PLPPR1: variants seen among roughly 807,000 people sequenced by gnomAD.
PLPPR1 encodes phospholipid phosphatase-related protein type 1.
PLPPR1 carries 10 observed loss-of-function variants against 33.1 expected under a neutral mutation model. The observed-to-expected ratio is 0.30, with a 90% CI of 0.19 to 0.51. The LOEUF is 0.51. Ranked by LOEUF, PLPPR1 falls within the 20% of genes least tolerant of loss-of-function variation. The probability of loss-of-function intolerance (pLI) is 0.97; values close to 1 mark genes in which losing one functional copy is unlikely to be tolerated. For missense variants in PLPPR1, 304 were observed against 408.1 expected (o/e 0.74, Z 2.20); for synonymous variants, 151 against 151.0 (o/e 1.00, Z 0.00).
chr9:101,082,751 G>A (rs1039911388), intron 1 of PLPPR1, among the ~76,000 whole-genome samples: 1 of 152,168 alleles, frequency 6.6e-6, no homozygotes, highest in African/African-American at 2.4e-5. Flanking sequence ...ATGGGCTTTG[G>A]GGAGAGATAA....
At chr9:101,097,226 C>T (rs1588026509) in intron 1 of PLPPR1, among the ~76,000 whole-genome samples, 1 of 152,264 alleles carries the variant, frequency 6.6e-6, no homozygotes, top group South Asian at 2.1e-4. Flanking sequence ...TTAGAATTTG[C>T]ATTTCTAATG....
At chr9:101,063,747 A>T (rs1830374660) in intron 1 of PLPPR1, among the ~76,000 whole-genome samples, 1 of 152,042 alleles carries the variant, frequency 6.6e-6, no homozygotes, top group Admixed American at 6.6e-5. Context: ...TTTTTCTTAA[A>T]CACTATCCCC....
intron 2 of PLPPR1, among the ~76,000 whole-genome samples, chr9:101,255,548 G>GTTAACA (rs202020754): frequency 0.019 from 2,832 of 152,242 alleles, 35 homozygotes; most frequent in Middle Eastern, 0.086. Context: ...CTTTATTGAA[G>GTTAACA]AGTTAGTTTA....
In PLPPR1 at chr9:101,317,851, G is replaced by T. The variant is rs374534317; in HGVS notation, c.945+355G>T. Among the ~76,000 whole-genome samples the T allele has an allele frequency of 3.5e-4, 54 of 152,310 alleles. No homozygotes were observed. The South Asian group carries it at 6.0e-3, about 17-fold the overall frequency. ...CTAGGATCATATTTGGAAAGAAAAAGGTTGTGTTACACACAGTGATGTAAG... is the reference window on the plus strand; with the variant it reads ...CTAGGATCATATTTGGAAAGAAAAATGTTGTGTTACACACAGTGATGTAAG... On this transcript the variant is annotated intron_variant, in intron 7 of 7. Transcript: ENST00000374874.
At chr9:101,158,343 A>G (rs1831724290) in intron 1 of PLPPR1, among the ~76,000 whole-genome samples, 1 of 152,186 alleles carries the variant, frequency 6.6e-6, no homozygotes, top group Admixed American at 6.5e-5. Flanking sequence ...TTTCCTAGGA[A>G]GAAGAAGAGG....
intron 1 of PLPPR1, among the ~76,000 whole-genome samples, chr9:101,110,659 G>A (rs940448479): frequency 3.9e-5 from 6 of 152,080 alleles, no homozygotes; most frequent in African/African-American, 1.2e-4. Flanking sequence ...TACTCTCCAA[G>A]GGGTATTGCT....
At chr9:101,268,288 AAAAG>A in intron 2 of PLPPR1, among the ~76,000 whole-genome samples, 1 of 152,206 alleles carries the variant, frequency 6.6e-6, no homozygotes, top group Admixed American at 6.5e-5. Flanking sequence ...GTGAAAAAAA[AAAAG>A]AAAAAAGAAA....
chr9:101,109,357 T>C (rs1298365228), intron 1 of PLPPR1, among the ~76,000 whole-genome samples: 27 of 152,086 alleles, frequency 1.8e-4, no homozygotes, highest in South Asian at 2.1e-4. Context: ...TTAAACACCA[T>C]CATTTCAATA....
chr9:101,259,225 C>T (rs1180030755), intron 2 of PLPPR1, among the ~76,000 whole-genome samples: 1 of 152,040 alleles, frequency 6.6e-6, no homozygotes, highest in Non-Finnish European at 1.5e-5. Flanking sequence ...AAGGTGAAGG[C>T]AGCCCAAGAA....
chr9:101,187,473 T>C (rs1826224829), intron 2 of PLPPR1: 1 of 151,976 alleles, frequency 6.6e-6, no homozygotes, highest in African/African-American at 2.4e-5. Context: ...GTTTATTCTT[T>C]TTCTTGTTGT....
chr9:101,268,773 C>A (rs1828044223), intron 2 of PLPPR1, among the ~76,000 whole-genome samples: 2 of 152,158 alleles, frequency 1.3e-5, no homozygotes, highest in African/African-American at 4.8e-5. Flanking sequence ...AGATGTCCTA[C>A]CAAGTTCTGA....
At chr9:101,229,116 A>G (rs1398455121) in intron 2 of PLPPR1, among the ~76,000 whole-genome samples, 2 of 152,170 alleles carry the variant, frequency 1.3e-5, no homozygotes, top group African/African-American at 2.4e-5. Flanking sequence ...CTTGCTTGTT[A>G]TCAGATCAAG....
At chr9:101,061,238 A>G (rs1440477995) in intron 1 of PLPPR1, among the ~76,000 whole-genome samples, 1 of 151,926 alleles carries the variant, frequency 6.6e-6, no homozygotes, top group Non-Finnish European at 1.5e-5. Context: ...TAAGATATGA[A>G]ATATATCTAA....
chr9:101,270,149 C>T (rs1450659307), intron 3 of PLPPR1, 81 bp downstream of exon 3: 2 of 1,441,396 alleles, frequency 1.4e-6, no homozygotes, highest in East Asian at 2.3e-5. Flanking sequence ...TCTTTCTTCT[C>T]TTCCTGAGCA....
intron 1 of PLPPR1, among the ~76,000 whole-genome samples, chr9:101,158,870 T>C (rs539058794): frequency 5.3e-4 from 81 of 152,260 alleles, no homozygotes; most frequent in African/African-American, 1.7e-3. Context: ...GGCTCAGGGG[T>C]ACATGCTAGC....
intron 2 of PLPPR1, among the ~76,000 whole-genome samples, chr9:101,192,813 A>C (rs1826320881): frequency 6.6e-6 from 1 of 152,196 alleles, no homozygotes; most frequent in African/African-American, 2.4e-5. Context: ...GCTTCAAACA[A>C]AGTAATAAAA....
chr9:101,164,802 G>C (rs188920073), intron 1 of PLPPR1, among the ~76,000 whole-genome samples: 1 of 152,098 alleles, frequency 6.6e-6, no homozygotes, highest in African/African-American at 2.4e-5. Context: ...GTGTTTGTTT[G>C]TTTGTTTAGT....
At chr9:101,065,410 C>T (rs990369294) in intron 1 of PLPPR1, among the ~76,000 whole-genome samples, 6 of 152,116 alleles carry the variant, frequency 3.9e-5, no homozygotes, top group African/African-American at 1.4e-4. Flanking sequence ...TAACATTTCT[C>T]TGGCACATTT....
intron 1 of PLPPR1, among the ~76,000 whole-genome samples, chr9:101,078,590 G>A (rs557696170): frequency 1.3e-5 from 2 of 151,950 alleles, no homozygotes; most frequent in South Asian, 4.2e-4. Flanking sequence ...CTACTCAGAG[G>A]GCTAAGGCAG....
Sources: allele counts gnomAD v4.1 joint callset (sites outside exome capture counted in the v4.1 genomes callset), GRCh38; gene constraint gnomAD v4.1.1; transcripts MANE v1.5; gene names NCBI Gene and HGNC (gene_info 2026-07-23, HGNC 2026-07-21).